Variants in USH2A observed in about 807,000 individuals in gnomAD.
The protein encoded by USH2A is usherin, also known as Usher syndrome 2A (autosomal recessive, mild).
A neutral mutation model predicts 538.9 loss-of-function variants in USH2A; 443 were observed. The observed-to-expected ratio is 0.82, with a 90% CI of 0.76 to 0.89. The LOEUF is 0.89. Ranked by LOEUF, USH2A falls within the 40% of genes least tolerant of loss-of-function variation. The pLI, the probability that USH2A is intolerant of heterozygous loss-of-function variation, is 0.00. For synonymous variants in USH2A, 2,413 were observed against 2,273.5 expected, an observed-to-expected ratio of 1.06 and a Z score of -1.75; for missense variants, 6,633 against 6,324.8, an observed-to-expected ratio of 1.05 and a Z score of -1.65.
At chr1:216,280,611 G>A (rs1403668313) in intron 11 of USH2A, among the ~76,000 whole-genome samples, 2 of 152,200 alleles carry the variant, frequency 1.3e-5, no homozygotes, top group East Asian at 3.9e-4. Flanking sequence ...TGTTCTCTCT[G>A]TCTTGACTGT....
intron 15 of USH2A, among the ~76,000 whole-genome samples, chr1:216,209,905 G>A (rs151107736): frequency 6.6e-6 from 1 of 152,238 alleles, no homozygotes; most frequent in African/African-American, 2.4e-5. Context: ...GCTTCTACCT[G>A]TTCCTTTTTC....
chr1:216,235,349 C>T (rs2035787005), intron 13 of USH2A, among the ~76,000 whole-genome samples: 2 of 152,144 alleles, frequency 1.3e-5, no homozygotes, highest in South Asian at 4.1e-4. Context: ...TTTTGTACCA[C>T]ATTCTTAAGC....
intron 38 of USH2A, among the ~76,000 whole-genome samples, chr1:215,913,700 G>T (rs1176390052): frequency 6.6e-6 from 1 of 151,982 alleles, no homozygotes; most frequent in South Asian, 2.1e-4. Flanking sequence ...GAAAAGGAAT[G>T]AATGGATTTA....
intron 47 of USH2A, among the ~76,000 whole-genome samples, chr1:215,822,165 A>G (rs558692124): frequency 6.6e-6 from 1 of 151,920 alleles, no homozygotes; most frequent in Non-Finnish European, 1.5e-5. Context: ...GAAGAATGTA[A>G]TTGGTCTTTT....
chr1:216,387,105 T>C (rs2039021455), intron 3 of USH2A, among the ~76,000 whole-genome samples: 1 of 152,328 alleles, frequency 6.6e-6, no homozygotes, highest in Non-Finnish European at 1.5e-5. Context: ...GAATCCAGAA[T>C]GTGTGAACTT....
intron 41 of USH2A, among the ~76,000 whole-genome samples, chr1:215,886,220 A>C (rs1187680403): frequency 6.6e-6 from 1 of 152,220 alleles, no homozygotes; most frequent in Non-Finnish European, 1.5e-5. Flanking sequence ...TGCATTAATG[A>C]CTATCCTTCT....
At chr1:215,828,531 G>A (rs914474377) in intron 47 of USH2A, among the ~76,000 whole-genome samples, 5 of 152,208 alleles carry the variant, frequency 3.3e-5, no homozygotes, top group Non-Finnish European at 7.3e-5. Flanking sequence ...AACCTATGCT[G>A]TTATCAGAAA....
chr1:215,930,342 G>C (rs907562605), intron 38 of USH2A, among the ~76,000 whole-genome samples: 1 of 151,684 alleles, frequency 6.6e-6, no homozygotes, highest in Non-Finnish European at 1.5e-5. Flanking sequence ...GTCTCTTTTA[G>C]CTTTCTGAGT....
intron 22 of USH2A, among the ~76,000 whole-genome samples, chr1:216,095,218 C>T (rs1474116419): frequency 6.6e-6 from 1 of 151,940 alleles, no homozygotes. Context: ...TTTTGTTCTC[C>T]TTCCGATTCG....
At chr1:216,028,072 C>T (rs1669010899) in intron 32 of USH2A, among the ~76,000 whole-genome samples, 1 of 152,108 alleles carries the variant, frequency 6.6e-6, no homozygotes. Flanking sequence ...AACCCTTATA[C>T]ACATCATTGG....
At chr1:215,864,892 C>T (rs1664430920) in intron 44 of USH2A, among the ~76,000 whole-genome samples, 1 of 151,958 alleles carries the variant, frequency 6.6e-6, no homozygotes, top group African/African-American at 2.4e-5. Context: ...CATTTTGCTA[C>T]CAAAATGATG....
At chr1:215,643,891 T>C (rs780892256) in intron 67 of USH2A, among the ~76,000 whole-genome samples, 13 of 152,160 alleles carry the variant, frequency 8.5e-5, no homozygotes, top group Non-Finnish European at 1.0e-4. Context: ...AAAAAAATTC[T>C]GGCAAAAGCT....
intron 49 of USH2A, among the ~76,000 whole-genome samples, chr1:215,801,770 C>T (rs146430193): frequency 4.1e-4 from 63 of 152,074 alleles, no homozygotes; most frequent in Non-Finnish European, 5.2e-4. Flanking sequence ...GCAGAAGAAG[C>T]CATTATAAAA....
At chr1:216,177,887 A>G (rs2034421361) in intron 20 of USH2A, among the ~76,000 whole-genome samples, 1 of 152,158 alleles carries the variant, frequency 6.6e-6, no homozygotes, top group Admixed American at 6.6e-5. Context: ...AAAGGAACAA[A>G]TGTCATAATC....
intron 61 of USH2A, among the ~76,000 whole-genome samples, chr1:215,687,354 G>A (rs547192264): frequency 2.0e-5 from 3 of 150,030 alleles, no homozygotes; most frequent in Non-Finnish European, 3.0e-5. Context: ...AGAATGATAC[G>A]TGAAAAGGGA....
In USH2A at chr1:215,782,839, T is replaced by C; in HGVS notation, c.10484A>G (p.Lys3495Arg). ...GLSKAVRARTKEDVPQGVSPP... is the reference protein window; with the variant it reads ...GLSKAVRARTREDVPQGVSPP... ...ACTCACTCCTTGAGGCACATCTTCTTTTGTTCTGGCTCTCACAGCTTTGCT... is the reference window on the plus strand; with the variant it reads ...ACTCACTCCTTGAGGCACATCTTCTCTTGTTCTGGCTCTCACAGCTTTGCT... The change falls in exon 53 of 72, where the codon AAA (lysine) becomes AGA (arginine). Residue 3495 changes from lysine (K) to arginine (R), a missense_variant. Transcript: ENST00000307340. 6.2e-7 allele frequency: 1 copy of C among 1,613,998 alleles called. No homozygotes were observed. Among genetic ancestry groups the C allele is most frequent in the Non-Finnish European group, 8.5e-7 (1 of 1,179,918 alleles).
chr1:216,077,830 T>C (rs1046638845), intron 27 of USH2A, among the ~76,000 whole-genome samples: 9 of 151,258 alleles, frequency 6.0e-5, no homozygotes, highest in African/African-American at 2.2e-4. Flanking sequence ...ATAATATGTA[T>C]ATTAATTACT....
chr1:216,220,524 T>C (rs368109913), intron 14 of USH2A, among the ~76,000 whole-genome samples: 57 of 151,034 alleles, frequency 3.8e-4, no homozygotes, highest in African/African-American at 1.4e-3. Flanking sequence ...GTAGAAGTCT[T>C]GGAGGAGATG....
At chr1:215,889,475 A>G (rs1237169974) in intron 40 of USH2A, among the ~76,000 whole-genome samples, 1 of 152,150 alleles carries the variant, frequency 6.6e-6, no homozygotes, top group Admixed American at 6.5e-5. Context: ...AAACTTGCAT[A>G]TTTTACAGCC....
Sources: allele counts gnomAD v4.1 joint callset (sites outside exome capture counted in the v4.1 genomes callset), GRCh38; gene constraint gnomAD v4.1.1; transcripts MANE v1.5; gene names NCBI Gene and HGNC (gene_info 2026-07-23, HGNC 2026-07-21).